The following ADCY8 variants were observed in gnomAD, a reference collection of about 807,000 sequenced individuals.
ADCY8 encodes adenylate cyclase type 8.
In ADCY8, 51 loss-of-function variants were observed where a neutral mutation model predicts 119.7. The ratio of observed to expected loss-of-function variants is 0.43; its 90% confidence interval spans 0.34 to 0.54. The LOEUF (loss-of-function observed/expected upper bound fraction) is 0.54, where lower values mean the gene tolerates loss of function less well. ADCY8 is among the 20% of genes least tolerant of loss of function. The pLI, the probability that ADCY8 is intolerant of heterozygous loss-of-function variation, is 0.03. For synonymous variants in ADCY8, 665 were observed against 651.0 expected, an observed-to-expected ratio of 1.02 and a Z score of -0.33; for missense variants, 1,383 against 1,598.8, an observed-to-expected ratio of 0.87 and a Z score of 2.30.
chr8:130,898,067 C>A (rs908225426), intron 7 of ADCY8, among the ~76,000 whole-genome samples: 1 of 151,810 alleles, frequency 6.6e-6, no homozygotes, highest in Non-Finnish European at 1.5e-5. Flanking sequence ...TGACACCCAG[C>A]ATATATCTTC....
chr8:130,793,402 C>T (rs965129929), intron 15 of ADCY8, among the ~76,000 whole-genome samples: 3 of 152,190 alleles, frequency 2.0e-5, no homozygotes, highest in Admixed American at 6.5e-5. Context: ...GCACCCCTCC[C>T]TCCAAACCTT....
At chr8:130,837,929 C>A (rs1362411770) in intron 11 of ADCY8, among the ~76,000 whole-genome samples, 2 of 152,146 alleles carry the variant, frequency 1.3e-5, no homozygotes, top group Admixed American at 6.5e-5. Flanking sequence ...CAGGATATAA[C>A]CAATTCACGT....
In ADCY8 at chr8:130,897,077, T is replaced by C. The variant is rs542773998; in HGVS notation, c.1911+6695A>G. ...TGGACAAATCTGACTCCAACTCAGT[T>C]CTGCTTAGTTTCTATTCAGGCCCTT... On this transcript the variant is annotated intron_variant, in intron 7 of 17. Transcript: ENST00000286355. Among the ~76,000 whole-genome samples, 7 of 152,284 alleles carry C rather than the reference T, an allele frequency of 4.6e-5. No individual in the cohort carries two copies. In the South Asian group the frequency reaches 1.5e-3, roughly 32 times the overall value.
intron 13 of ADCY8, among the ~76,000 whole-genome samples, chr8:130,820,309 G>T (rs778271882): frequency 6.6e-5 from 10 of 152,094 alleles, no homozygotes; most frequent in Admixed American, 2.6e-4. Flanking sequence ...CCATTTCCAT[G>T]GTGATTTCCC....
chr8:130,797,069 C>T (rs929211632), intron 15 of ADCY8, among the ~76,000 whole-genome samples: 1 of 152,206 alleles, frequency 6.6e-6, no homozygotes, highest in Non-Finnish European at 1.5e-5. Context: ...ACTTTATTCA[C>T]TACAATTTTA....
chr8:131,004,927 G>A (rs1402213912), intron 1 of ADCY8, among the ~76,000 whole-genome samples: 1 of 152,086 alleles, frequency 6.6e-6, no homozygotes, highest in Non-Finnish European at 1.5e-5. Flanking sequence ...GAGTTTGGAA[G>A]TCAGAATTTA....
intron 7 of ADCY8, among the ~76,000 whole-genome samples, chr8:130,885,384 A>G (rs1818943628): frequency 1.3e-5 from 2 of 152,090 alleles, no homozygotes; most frequent in African/African-American, 2.4e-5. Context: ...ATATGTGTGT[A>G]ATTTCTTTTA....
intron 2 of ADCY8, among the ~76,000 whole-genome samples, chr8:130,985,907 G>A (rs893188078): frequency 3.3e-5 from 5 of 152,106 alleles, no homozygotes; most frequent in African/African-American, 9.7e-5. Flanking sequence ...GCAACATATG[G>A]TATCATCAGA....
In ADCY8 at chr8:130,890,606, G is replaced by A. The variant is rs544961115; in HGVS notation, c.1912-5845C>T. ...GTTAATATTCCAGCCAAGAGCAAGG[G>A]CCTTTAAAGGCAGCCTAGTGACGCT... On this transcript the variant is annotated intron_variant, in intron 7 of 17. Coordinates refer to ENST00000286355, the MANE Select transcript of ADCY8 (RefSeq NM_001115.3). 5.1e-4 allele frequency among the ~76,000 whole-genome samples: 77 copies of A among 152,250 alleles called. 1 individual carries two copies. Among genetic ancestry groups the A allele is most frequent in the African/African-American group, 1.8e-3 (76 of 41,578 alleles).
At position 130,792,251 on chromosome 8, in the gene ADCY8, A is replaced by G. The variant is rs142355892; in HGVS notation, c.3061-6776T>C. ...TCCACTTCACTGGTGATGCTTCACCAGTCTCTGTGGTTAATTCCTTCTTTC... is the reference window on the plus strand; with the variant it reads ...TCCACTTCACTGGTGATGCTTCACCGGTCTCTGTGGTTAATTCCTTCTTTC... On this transcript the variant is annotated intron_variant, in intron 15 of 17. Coordinates refer to ENST00000286355, the MANE Select transcript of ADCY8 (RefSeq NM_001115.3). Among the ~76,000 whole-genome samples, 4 of 152,258 alleles carry G rather than the reference A, an allele frequency of 2.6e-5. No homozygotes were observed. In the East Asian group the frequency reaches 7.7e-4, roughly 29 times the overall value.
At chr8:130,800,806 G>T (rs919535211) in intron 14 of ADCY8, among the ~76,000 whole-genome samples, 1 of 152,206 alleles carries the variant, frequency 6.6e-6, no homozygotes, top group African/African-American at 2.4e-5. Flanking sequence ...TCACAGTTCT[G>T]GAGGCTAAGA....
intron 11 of ADCY8, among the ~76,000 whole-genome samples, chr8:130,845,050 A>G (rs1817255183): frequency 6.6e-6 from 1 of 152,186 alleles, no homozygotes. Context: ...TGTGGCTTCT[A>G]AACACTTTAT....
At chr8:130,833,546 C>G (rs1451199718) in intron 12 of ADCY8, among the ~76,000 whole-genome samples, 1 of 152,102 alleles carries the variant, frequency 6.6e-6, no homozygotes, top group Non-Finnish European at 1.5e-5. Context: ...AGAAGGAAAC[C>G]CTGCCACTTG....
In ADCY8 at chr8:130,912,606, T is replaced by C. The variant is rs574706413; in HGVS notation, c.1482-2740A>G. 1.1e-3 allele frequency among the ~76,000 whole-genome samples: 166 copies of C among 152,324 alleles called. 2 individuals are homozygous for C. The South Asian group carries it at 0.012, about 11-fold the overall frequency. On this transcript the variant is annotated intron_variant, in intron 5 of 17. Transcript: ENST00000286355. ...ATCTTTGCAGTCTCTGTTCTTAAAT[T>C]GTAAGGTAATGCAAAGCTATTTACA...
At chr8:131,035,389 C>T (rs1208909673) in intron 1 of ADCY8, among the ~76,000 whole-genome samples, 6 of 152,114 alleles carry the variant, frequency 3.9e-5, no homozygotes, top group African/African-American at 1.4e-4. Flanking sequence ...CTGCTCTAGA[C>T]AATAATCTCT....
chr8:130,966,634 G>A (rs1411175244), intron 2 of ADCY8, among the ~76,000 whole-genome samples: 1 of 152,222 alleles, frequency 6.6e-6, no homozygotes, highest in African/African-American at 2.4e-5. Flanking sequence ...GTGACAGCAA[G>A]CGGCAGCATA....
intron 1 of ADCY8, among the ~76,000 whole-genome samples, chr8:131,000,470 T>C (rs1408968098): frequency 1.3e-5 from 2 of 152,172 alleles, no homozygotes; most frequent in African/African-American, 4.8e-5. Flanking sequence ...AGCAGAACAC[T>C]TAATATGTGC....
At chr8:130,831,105 G>A (rs950458781) in intron 12 of ADCY8, among the ~76,000 whole-genome samples, 7 of 152,152 alleles carry the variant, frequency 4.6e-5, no homozygotes, top group African/African-American at 1.7e-4. Flanking sequence ...AGCAAATTGT[G>A]CTTATAGGTT....
In ADCY8 at chr8:130,937,199, T is replaced by C; in HGVS notation, c.1355A>G (p.Glu452Gly). The C allele has an allele frequency of 2.5e-6, 4 of 1,613,304 alleles. No homozygotes were observed. Among genetic ancestry groups the C allele is most frequent in the Non-Finnish European group, 3.4e-6 (4 of 1,179,604 alleles). Residue 452 changes from glutamate (E) to glycine (G), a missense_variant and splice_region_variant, in exon 5 of 18, where the codon GAG becomes GGG. Around this residue, in one of 2 missense-constraint regions of ADCY8, gnomAD observed 928 missense variants for 1,163.5 expected, o/e 0.80. Coordinates refer to ENST00000286355, the MANE Select transcript of ADCY8 (RefSeq NM_001115.3). ...GATTTTAATACGAAGGCAGTGATGCTCCTGGAAGGAACAGGATAAGAGGGA... is the reference window on the plus strand; with the variant it reads ...GATTTTAATACGAAGGCAGTGATGCCCCTGGAAGGAACAGGATAAGAGGGA... ...LFARFDRLAH[E>G]HHCLRIKILG...
Sources: allele counts gnomAD v4.1 joint callset (sites outside exome capture counted in the v4.1 genomes callset), GRCh38; gene constraint gnomAD v4.1.1; regional missense constraint gnomAD v4.1.1; transcripts MANE v1.5; gene names NCBI Gene and HGNC (gene_info 2026-07-23, HGNC 2026-07-21).